Variants in PTPRN2 observed in about 807,000 individuals in gnomAD.
PTPRN2 encodes the protein receptor-type tyrosine-protein phosphatase N2.
PTPRN2 carries 74 observed loss-of-function variants against 118.8 expected under a neutral mutation model. The observed-to-expected ratio is 0.62, with a 90% CI of 0.52 to 0.76. PTPRN2 has a LOEUF of 0.76. Among genes scored for constraint, PTPRN2 ranks in the 30% least tolerant of loss-of-function variants. PTPRN2 has a pLI of 0.00. For synonymous variants in PTPRN2, 641 were observed against 608.0 expected, an observed-to-expected ratio of 1.05 and a Z score of -0.80; for missense variants, 1,481 against 1,394.4, an observed-to-expected ratio of 1.06 and a Z score of -0.99.
chr7:158,437,665 A>G (rs966164159), intron 2 of PTPRN2, among the ~76,000 whole-genome samples: 1 of 152,152 alleles, frequency 6.6e-6, no homozygotes, highest in Admixed American at 6.5e-5. Context: ...GGGACCTGGG[A>G]TGTGTGCGAT....
intron 5 of PTPRN2, among the ~76,000 whole-genome samples, chr7:158,182,383 C>T (rs1036340796): frequency 1.3e-5 from 2 of 152,264 alleles, no homozygotes; most frequent in South Asian, 4.1e-4. Context: ...ACGGGATACA[C>T]GTGCAGAACA....
chr7:157,885,160 GC>G (rs1796379842), intron 12 of PTPRN2, among the ~76,000 whole-genome samples: 1 of 152,132 alleles, frequency 6.6e-6, no homozygotes, highest in African/African-American at 2.4e-5. Context: ...ACCTGAGTTG[GC>G]CTGGATGCTC....
At chr7:158,046,041 C>A (rs556232146) in intron 11 of PTPRN2, among the ~76,000 whole-genome samples, 78 of 145,694 alleles carry the variant, frequency 5.4e-4, no homozygotes, top group Non-Finnish European at 1.1e-3. Flanking sequence ...AGGAGCAGAA[C>A]CTGTGATCCT....
At chr7:157,840,754 T>G (rs1286256547) in intron 12 of PTPRN2, among the ~76,000 whole-genome samples, 1 of 152,254 alleles carries the variant, frequency 6.6e-6, no homozygotes, top group Non-Finnish European at 1.5e-5. Flanking sequence ...CCCAGTGGGT[T>G]GCTGCTGCTC....
intron 12 of PTPRN2, among the ~76,000 whole-genome samples, chr7:157,856,411 T>C (rs1432334033): frequency 6.6e-6 from 1 of 152,230 alleles, no homozygotes; most frequent in African/African-American, 2.4e-5. Flanking sequence ...AGATGTCTAT[T>C]TTACACTGAA....
chr7:158,557,743 T>C (rs1827139242), intron 1 of PTPRN2, among the ~76,000 whole-genome samples: 1 of 152,182 alleles, frequency 6.6e-6, no homozygotes, highest in South Asian at 2.1e-4. Flanking sequence ...GAAAACAGCG[T>C]TTCCAGAGCA....
intron 12 of PTPRN2, among the ~76,000 whole-genome samples, chr7:157,880,201 A>T (rs1796034577): frequency 6.6e-6 from 1 of 152,208 alleles, no homozygotes; most frequent in African/African-American, 2.4e-5. Context: ...GTTTGCGTTC[A>T]CTTAGAGACG....
At chr7:158,318,677 G>C (rs764953349) in intron 2 of PTPRN2, among the ~76,000 whole-genome samples, 7 of 152,216 alleles carry the variant, frequency 4.6e-5, no homozygotes, top group South Asian at 2.1e-4. Flanking sequence ...AGGCGCTCTC[G>C]GCCGGCCCCA....
chr7:158,289,380 GTA>G (rs1799963137), intron 3 of PTPRN2, among the ~76,000 whole-genome samples: 1 of 152,012 alleles, frequency 6.6e-6, no homozygotes, highest in Admixed American at 6.5e-5. Flanking sequence ...TCCTCTGACT[GTA>G]TGTTTTCAAA....
chr7:157,580,125 T>C (rs1416437492), intron 17 of PTPRN2, among the ~76,000 whole-genome samples: 1 of 152,232 alleles, frequency 6.6e-6, no homozygotes, highest in Non-Finnish European at 1.5e-5. Context: ...TGGTCTTTGC[T>C]GACAGGTGAA....
In PTPRN2 at chr7:158,248,746, GCA is replaced by G. The variant is rs564574415; in HGVS notation, c.278-43475_278-43474del. On this transcript the variant is annotated intron_variant, in intron 3 of 22. Transcript: ENST00000389418. ...ACATCACATGCATGCCCCTACACAC[GCA>G]CACACATCACACATATGTGCACATC... Among the ~76,000 whole-genome samples, 405 of 58,658 alleles carry G rather than the reference GCA, an allele frequency of 6.9e-3. 5 individuals carry two copies. The highest frequency in any genetic ancestry group is 0.034 in the African/African-American group (386 of 11,320). 38.5% of individuals were successfully genotyped at this position (58,658 alleles called of 152,430 possible).
chr7:157,562,622 C>T (rs547237109), intron 21 of PTPRN2, among the ~76,000 whole-genome samples: 173 of 152,310 alleles, frequency 1.1e-3, no homozygotes, highest in African/African-American at 4.0e-3. Flanking sequence ...AAACACGATT[C>T]GACAAAGACG....
chr7:158,369,290 C>A (rs960466576), intron 2 of PTPRN2, among the ~76,000 whole-genome samples: 1 of 41,062 alleles, frequency 2.4e-5, no homozygotes, highest in African/African-American at 1.1e-4. Context: ...CACACACACA[C>A]ATATATATAC....
In PTPRN2 at chr7:157,831,308, C is replaced by T. The variant is rs890256982; in HGVS notation, c.1788+67365G>A. 3.9e-5 allele frequency among the ~76,000 whole-genome samples: 6 copies of T among 152,316 alleles called. No individual in the cohort carries two copies. Among genetic ancestry groups the T allele is most frequent in the Admixed American group, 2.0e-4 (3 of 15,302 alleles). Reference sequence around the variant, plus strand: ...GCCTCATCCAGCACTGCGGCCACTCCTCCTCCAGGTGTCCCGCCATGTGCA... The same window carrying T: ...GCCTCATCCAGCACTGCGGCCACTCTTCCTCCAGGTGTCCCGCCATGTGCA... On this transcript the variant is annotated intron_variant, in intron 12 of 22. Transcript: ENST00000389418. This position sits in a 1 kb window ranked among gnomAD's most constrained non-coding sequence, Gnocchi z 4.8.
At chr7:158,493,893 GCACGTACATGGGTGCACGTATGCA>G (rs1215775237) in intron 1 of PTPRN2, among the ~76,000 whole-genome samples, 4 of 151,172 alleles carry the variant, frequency 2.6e-5, no homozygotes, top group South Asian at 4.2e-4. Context: ...ACATATGCAT[GCACGTACATGGGTGCACGTATGCA>G]CACGTACATG....
At chr7:158,334,660 A>C (rs375602330) in intron 2 of PTPRN2, among the ~76,000 whole-genome samples, 58 of 80,640 alleles carry the variant, frequency 7.2e-4, no homozygotes, top group African/African-American at 2.5e-3. Flanking sequence ...ATAATTGGTG[A>C]CACCTGCAGA....
At chr7:158,271,715 C>A (rs1044551299) in intron 3 of PTPRN2, among the ~76,000 whole-genome samples, 2 of 152,170 alleles carry the variant, frequency 1.3e-5, no homozygotes, top group African/African-American at 4.8e-5. Flanking sequence ...TCTGGAGATA[C>A]CCACAGATTC....
intron 12 of PTPRN2, among the ~76,000 whole-genome samples, chr7:157,804,945 C>G (rs1354199280): frequency 6.6e-6 from 1 of 152,224 alleles, no homozygotes; most frequent in Non-Finnish European, 1.5e-5. Flanking sequence ...AGGTTACCCT[C>G]TCGCCATGCA....
At chr7:158,177,953 G>GTT (rs2150645433) in intron 5 of PTPRN2, among the ~76,000 whole-genome samples, 1 of 152,284 alleles carries the variant, frequency 6.6e-6, no homozygotes, top group Admixed American at 6.5e-5. Context: ...TTTCCAAATC[G>GTT]TTGTTAATGT....
Sources: gnomAD v4.1 joint callset for allele counts (sites outside exome capture counted in the v4.1 genomes callset) on GRCh38, gnomAD v4.1.1 for gene constraint, Gnocchi (gnomAD v3.1) non-coding constraint, MANE v1.5 for transcripts, NCBI Gene and HGNC (gene_info 2026-07-23, HGNC 2026-07-21) for gene names.